JMJD1C: variants seen among roughly 807,000 people sequenced by gnomAD.
JMJD1C encodes jumonji domain-containing protein 1C.
In JMJD1C, 31 loss-of-function variants were observed where a neutral mutation model predicts 245.3. The ratio of observed to expected loss-of-function variants is 0.13; its 90% CI spans 0.09 to 0.17. JMJD1C has a LOEUF of 0.17. Among genes scored for constraint, JMJD1C ranks in the 10% least tolerant of loss-of-function variants. JMJD1C has a pLI of 1.00. For missense variants in JMJD1C, 2,691 were observed against 3,000.2 expected (o/e 0.90, Z 2.41); for synonymous variants, 1,057 against 1,017.4 (o/e 1.04, Z -0.74).
chr10:63,462,791 T>C (rs1952889525), intron 1 of JMJD1C, among the ~76,000 whole-genome samples: 1 of 152,222 alleles, frequency 6.6e-6, no homozygotes, highest in African/African-American at 2.4e-5. Context: ...ACTTTGATTT[T>C]AGCCCAGCAA....
At chr10:63,431,735 C>T (rs550799274) in intron 1 of JMJD1C, among the ~76,000 whole-genome samples, 15 of 152,306 alleles carry the variant, frequency 9.8e-5, no homozygotes, top group South Asian at 4.1e-4. Context: ...CACTTGCGGC[C>T]GGGCGCAGTG....
At chr10:63,474,403 A>T (rs1953593822) in intron 1 of JMJD1C, among the ~76,000 whole-genome samples, 1 of 152,168 alleles carries the variant, frequency 6.6e-6, no homozygotes, top group East Asian at 1.9e-4. Flanking sequence ...TCCTGAAGAA[A>T]ATTTATCAAA....
At chr10:63,430,328 A>G (rs1240251702) in intron 1 of JMJD1C, among the ~76,000 whole-genome samples, 1 of 152,248 alleles carries the variant, frequency 6.6e-6, no homozygotes, top group Admixed American at 6.5e-5. Context: ...GTAACAAAAG[A>G]AAACATAAAT....
In JMJD1C at chr10:63,204,188, T is replaced by C. The variant is rs997690536; in HGVS notation, c.5074+2407A>G. 1.0e-5 allele frequency: 10 copies of C among 985,188 alleles called. No individual in the cohort carries two copies. In the East Asian group the frequency reaches 4.5e-4, roughly 45 times the overall value. 61.0% of individuals were successfully genotyped at this position (985,188 alleles called of 1,614,324 possible). ...CTAGAACAAAAGCAAGTCAACTCTG[T>C]CCACAATTAATAGATGACATCTAAT... On this transcript the variant is annotated intron_variant, in intron 10 of 25. Coordinates refer to ENST00000399262, the MANE Select transcript of JMJD1C (RefSeq NM_032776.3).
At position 63,465,522 on chromosome 10, in the gene JMJD1C, G is replaced by A. The variant is rs1195297302; in HGVS notation, c.141C>T (p.His47=). Residue 47 remains histidine (H), a synonymous_variant, in exon 1 of 26, where the codon CAC becomes CAT. Coordinates refer to ENST00000399262, the MANE Select transcript of JMJD1C (RefSeq NM_032776.3). ...WRAGVIRAVS[H]RDSRNPDLAV... ...CCAGGTCCGGATTGCGGCTGTCCCT[G>A]TGTGACACGGCTCGGATGACCCCCG... is the stretch of plus-strand genomic sequence containing the variant. 2 of 1,605,946 alleles carry A rather than the reference G, an allele frequency of 1.2e-6. No homozygotes were observed. The highest frequency in any genetic ancestry group is 3.4e-5 in the Admixed American group (2 of 59,674).
intron 1 of JMJD1C, among the ~76,000 whole-genome samples, chr10:63,408,670 T>G (rs537174625): frequency 1.3e-5 from 2 of 152,138 alleles, no homozygotes; most frequent in East Asian, 1.9e-4. Flanking sequence ...ATTAAGATAT[T>G]TTCAGATGAA....
rs1337251415 is a variant in JMJD1C at position 63,207,290 on chromosome 10, C to G, written c.4379G>C (p.Ser1460Thr). The change falls in exon 10 of 26, where the codon AGT becomes ACT. Residue 1460 changes from serine (S) to threonine (T), a missense_variant. Ser to Thr is a moderately conservative substitution (Grantham distance 58). Coordinates refer to ENST00000399262, the MANE Select transcript of JMJD1C (RefSeq NM_032776.3). ...TTGAACAACACTTCCTGTCTTACTA[C>G]TGGCTAATGTAACTGGTGCTGTGGT... ...VSTTAPVTLA[S>T]SKTGSVVQPS... The G allele has an allele frequency of 3.7e-6, 6 of 1,613,670 alleles. No individual in the cohort carries two copies. In the African/African-American group the frequency reaches 8.0e-5, roughly 22 times the overall value.
intron 3 of JMJD1C, among the ~76,000 whole-genome samples, chr10:63,242,446 G>T (rs1427085200): frequency 6.6e-6 from 1 of 152,204 alleles, no homozygotes; most frequent in Non-Finnish European, 1.5e-5. Flanking sequence ...AGCAGGCCGG[G>T]CGTAGTGGCT....
chr10:63,205,203 G>T (rs1846452095), intron 10 of JMJD1C, among the ~76,000 whole-genome samples: 1 of 152,130 alleles, frequency 6.6e-6, no homozygotes, highest in Non-Finnish European at 1.5e-5. Context: ...ACATCGAAAT[G>T]AATACACAAA....
intron 8 of JMJD1C, among the ~76,000 whole-genome samples, chr10:63,210,850 T>C (rs950961625): frequency 3.9e-5 from 6 of 152,212 alleles, no homozygotes; most frequent in Admixed American, 6.5e-5. Flanking sequence ...AGTTTGACTA[T>C]GTAACACACA....
intron 1 of JMJD1C, among the ~76,000 whole-genome samples, chr10:63,396,811 G>A (rs1413858373): frequency 6.6e-6 from 1 of 150,662 alleles, no homozygotes; most frequent in Non-Finnish European, 1.5e-5. Context: ...AAAAAAAAAA[G>A]TATAAAATTT....
At chr10:63,263,142 C>T (rs948761893) in intron 3 of JMJD1C, among the ~76,000 whole-genome samples, 1 of 152,046 alleles carries the variant, frequency 6.6e-6, no homozygotes, top group Non-Finnish European at 1.5e-5. Context: ...AAATAAAACC[C>T]CAGGGAAAAG....
rs538501707 is a variant in JMJD1C, at chr10:63,363,501, G to A, written c.333+16817C>T. On this transcript the variant is annotated intron_variant, in intron 2 of 25. Transcript: ENST00000399262. ...GAGAACTCATGAGTTCAGGGAATCC[G>A]CCCACCTTGGCCTCCCAAAGTGCTG... Among the ~76,000 whole-genome samples, 10 of 151,808 alleles carry A rather than the reference G, an allele frequency of 6.6e-5. No homozygotes were observed. In the South Asian group the frequency reaches 8.3e-4, roughly 13 times the overall value.
At chr10:63,445,396 A>G (rs907522753) in intron 1 of JMJD1C, among the ~76,000 whole-genome samples, 1 of 152,210 alleles carries the variant, frequency 6.6e-6, no homozygotes, top group African/African-American at 2.4e-5. Flanking sequence ...ACCAGAAAGA[A>G]GTGATGGAGT....
intron 1 of JMJD1C, among the ~76,000 whole-genome samples, chr10:63,435,447 A>G (rs1035224890): frequency 6.6e-6 from 1 of 152,232 alleles, no homozygotes; most frequent in African/African-American, 2.4e-5. Flanking sequence ...TAGTAAACAC[A>G]GATTGTAACA....
At chr10:63,222,719 T>A in intron 3 of JMJD1C, 1 of 1,540,300 alleles carries the variant, frequency 6.5e-7, no homozygotes, top group Non-Finnish European at 9.0e-7. Context: ...TTTGATTGAC[T>A]TGGATCTTTA....
chr10:63,277,251 C>T (rs1030896683), intron 2 of JMJD1C, among the ~76,000 whole-genome samples: 13 of 149,568 alleles, frequency 8.7e-5, no homozygotes, highest in African/African-American at 2.7e-4. Flanking sequence ...TGTGTAGCCT[C>T]GCCTCCCCGA....
chr10:63,208,984 T>TA (rs1285155149), intron 9 of JMJD1C, 79 bp downstream of exon 9: 6 of 1,280,218 alleles, frequency 4.7e-6, no homozygotes, highest in Middle Eastern at 2.0e-4. Flanking sequence ...TGTGTTAACT[T>TA]AAAATTAACT....
chr10:63,357,742 C>G (rs1944967123), intron 2 of JMJD1C, among the ~76,000 whole-genome samples: 1 of 151,612 alleles, frequency 6.6e-6, no homozygotes, highest in Non-Finnish European at 1.5e-5. Flanking sequence ...AGTAAGTATT[C>G]AAATATATTT....
Sources: gnomAD v4.1 joint callset for allele counts (sites outside exome capture counted in the v4.1 genomes callset) on GRCh38, gnomAD v4.1.1 for gene constraint, MANE v1.5 for transcripts, NCBI Gene and HGNC (gene_info 2026-07-23, HGNC 2026-07-21) for gene names.